NREP: variants seen among roughly 807,000 people sequenced by gnomAD.
NREP encodes neuronal regeneration-related protein.
A neutral mutation model predicts 8.6 loss-of-function variants in NREP; 5 were observed. The ratio of observed to expected loss-of-function variants is 0.58; its 90% CI spans 0.30 to 1.22. The LOEUF (loss-of-function observed/expected upper bound fraction) is 1.22, where lower values mean the gene tolerates loss of function less well. Among genes scored for constraint, NREP ranks in the 50% most tolerant of loss-of-function variants. The pLI is 0.07. For missense variants in NREP, 86 were observed against 82.5 expected, an observed-to-expected ratio of 1.04 and a Z score of -0.17; for synonymous variants, 27 against 28.0, an observed-to-expected ratio of 0.96 and a Z score of 0.11.
At chr5:111,757,353 AAGG>A (rs1031728978), upstream of NREP, 35 of 905,688 alleles carry the variant, frequency 3.9e-5, no homozygotes, top group Middle Eastern at 5.6e-4. Flanking sequence ...GCCTTGGAAA[AAGG>A]AGGAGGAGAT....
intron 2 of NREP, among the ~76,000 whole-genome samples, chr5:111,972,198 C>A (rs1422969306): frequency 6.6e-6 from 1 of 152,036 alleles, no homozygotes; most frequent in Non-Finnish European, 1.5e-5. Context: ...TGACCTCACA[C>A]CTGTTAGAAT....
At chr5:111,834,147 G>T (rs1266279347) in intron 2 of NREP, among the ~76,000 whole-genome samples, 2 of 152,148 alleles carry the variant, frequency 1.3e-5, no homozygotes, top group African/African-American at 4.8e-5. Context: ...AGCAAATGCT[G>T]GGAGATACTA....
chr5:111,809,696 G>A (rs142125063), intron 2 of NREP, among the ~76,000 whole-genome samples: 4 of 152,156 alleles, frequency 2.6e-5, no homozygotes, highest in South Asian at 2.1e-4. Context: ...CCAAGGCCAC[G>A]CCCTTGAACT....
At chr5:111,959,540 T>A (rs921203367) in intron 2 of NREP, among the ~76,000 whole-genome samples, 2 of 150,576 alleles carry the variant, frequency 1.3e-5, no homozygotes, top group Admixed American at 6.6e-5. Flanking sequence ...AGATTAGATA[T>A]AAAGAAAACT....
At chr5:111,890,293 C>G (rs558478219) in intron 2 of NREP, among the ~76,000 whole-genome samples, 1 of 152,348 alleles carries the variant, frequency 6.6e-6, no homozygotes, top group East Asian at 1.9e-4. Context: ...TTCTCAAAGC[C>G]TTGGGCAGCT....
At chr5:111,824,194 C>T (rs886584135) in intron 2 of NREP, among the ~76,000 whole-genome samples, 18 of 152,108 alleles carry the variant, frequency 1.2e-4, no homozygotes, top group African/African-American at 4.3e-4. Flanking sequence ...CACGGTGAAA[C>T]CCCGTCTCTA....
At chr5:111,971,245 A>G (rs1360216003) in intron 2 of NREP, among the ~76,000 whole-genome samples, 2 of 152,204 alleles carry the variant, frequency 1.3e-5, no homozygotes, top group African/African-American at 4.8e-5. Context: ...GATTAAAGTA[A>G]ATATGTCTCC....
intron 2 of NREP, among the ~76,000 whole-genome samples, chr5:111,823,840 A>C (rs1752563456): frequency 6.6e-6 from 1 of 152,362 alleles, no homozygotes; most frequent in South Asian, 2.1e-4. Context: ...CTGTAAAGTC[A>C]GATGACAAAC....
intron 2 of NREP, among the ~76,000 whole-genome samples, chr5:111,848,428 G>C (rs558697664): frequency 1.4e-5 from 2 of 144,322 alleles, no homozygotes; most frequent in African/African-American, 5.7e-5. Context: ...TTGCCTACAT[G>C]GAGAGTTTTT....
At chr5:111,963,729 A>G (rs746300346) in intron 2 of NREP, among the ~76,000 whole-genome samples, 1 of 152,266 alleles carries the variant, frequency 6.6e-6, no homozygotes, top group Non-Finnish European at 1.5e-5. Flanking sequence ...ATAGAAAGTT[A>G]CAGCAAGAAG....
chr5:111,935,383 A>G (rs1471102936), intron 2 of NREP, among the ~76,000 whole-genome samples: 1 of 152,122 alleles, frequency 6.6e-6, no homozygotes, highest in Non-Finnish European at 1.5e-5. Context: ...ACAAAGAAAC[A>G]GGAAATCTAA....
intron 2 of NREP, among the ~76,000 whole-genome samples, chr5:111,833,844 T>C (rs537794695): frequency 6.6e-6 from 1 of 152,312 alleles, no homozygotes; most frequent in Non-Finnish European, 1.5e-5. Flanking sequence ...CATAGGTCCC[T>C]TTTGTTTCTG....
At chr5:111,882,995 A>G (rs1276453524) in intron 2 of NREP, among the ~76,000 whole-genome samples, 1 of 152,248 alleles carries the variant, frequency 6.6e-6, no homozygotes, top group Non-Finnish European at 1.5e-5. Flanking sequence ...TTAAATGTAA[A>G]TGGACTAAAT....
chr5:111,817,221 G>C (rs1253412682), intron 2 of NREP, among the ~76,000 whole-genome samples: 1 of 152,088 alleles, frequency 6.6e-6, no homozygotes, highest in Non-Finnish European at 1.5e-5. Flanking sequence ...ATCTACAAAT[G>C]ATGACAGTTT....
chr5:111,767,602 C>T (rs902690508), intron 2 of NREP, among the ~76,000 whole-genome samples: 15 of 152,148 alleles, frequency 9.9e-5, no homozygotes, highest in African/African-American at 3.6e-4. Context: ...CTCCCTCTTC[C>T]ACTTGTCCCC....
intron 2 of NREP, among the ~76,000 whole-genome samples, chr5:111,913,693 A>T (rs1218282825): frequency 6.6e-6 from 1 of 152,134 alleles, no homozygotes; most frequent in African/African-American, 2.4e-5. Context: ...CCTACTTCAC[A>T]AATATTTTGA....
At chr5:111,822,140 T>G (rs529876445) in intron 2 of NREP, among the ~76,000 whole-genome samples, 1 of 152,048 alleles carries the variant, frequency 6.6e-6, no homozygotes, top group African/African-American at 2.4e-5. Flanking sequence ...ACCTTCCCAT[T>G]GAAAACAACT....
At chr5:111,884,897 C>A (rs187062927) in intron 2 of NREP, among the ~76,000 whole-genome samples, 1 of 152,300 alleles carries the variant, frequency 6.6e-6, no homozygotes, top group Non-Finnish European at 1.5e-5. Context: ...TGGAAGCATT[C>A]CCTTTGAAAA....
chr5:111,913,183 T>C (rs2112565964), intron 2 of NREP, among the ~76,000 whole-genome samples: 1 of 152,256 alleles, frequency 6.6e-6, no homozygotes, highest in Non-Finnish European at 1.5e-5. Flanking sequence ...AAGTAATTTG[T>C]AGAAGATTTC....
Sources: gnomAD v4.1 joint callset for allele counts (sites outside exome capture counted in the v4.1 genomes callset) on GRCh38, gnomAD v4.1.1 for gene constraint, MANE v1.5 for transcripts, NCBI Gene and HGNC (gene_info 2026-07-23, HGNC 2026-07-21) for gene names.